The following GNAZ variants were observed in gnomAD, a reference collection of about 807,000 sequenced individuals.
GNAZ encodes guanine nucleotide-binding protein G(z) subunit alpha.
A neutral mutation model predicts 25.4 loss-of-function variants in GNAZ; 3 were observed. That is an observed-to-expected ratio of 0.12 (90% CI 0.05 to 0.30). The LOEUF is 0.30. Among genes scored for constraint, GNAZ ranks in the 10% least tolerant of loss-of-function variants. The probability of loss-of-function intolerance (pLI) is 1.00; values close to 1 mark genes in which losing one functional copy is unlikely to be tolerated. For synonymous variants in GNAZ, 211 were observed against 205.7 expected, an observed-to-expected ratio of 1.03 and a Z score of -0.22; for missense variants, 241 against 501.8, an observed-to-expected ratio of 0.48 and a Z score of 4.97.
intron 1 of GNAZ, among the ~76,000 whole-genome samples, chr22:23,093,036 C>T (rs1026337872): frequency 8.5e-5 from 13 of 152,196 alleles, no homozygotes; most frequent in African/African-American, 3.1e-4. Context: ...GCTGTCAGGT[C>T]GTCAGCAGGG....
intron 1 of GNAZ, among the ~76,000 whole-genome samples, chr22:23,075,175 C>G (rs2068478766): frequency 6.6e-6 from 1 of 152,120 alleles, no homozygotes; most frequent in Non-Finnish European, 1.5e-5. Flanking sequence ...GGCCCGCAAC[C>G]TGCCTGCTGC....
chr22:23,076,651 A>G (rs532391700), intron 1 of GNAZ, among the ~76,000 whole-genome samples: 8 of 152,234 alleles, frequency 5.3e-5, no homozygotes, highest in Non-Finnish European at 1.0e-4. Context: ...TCAGTGATGC[A>G]ATGTGACTCA....
At chr22:23,120,417 T>C (rs1226607332) in intron 2 of GNAZ, among the ~76,000 whole-genome samples, 1 of 152,170 alleles carries the variant, frequency 6.6e-6, no homozygotes, top group Non-Finnish European at 1.5e-5. Context: ...GAGCTCTCCC[T>C]ACACACAGGT....
intron 1 of GNAZ, among the ~76,000 whole-genome samples, chr22:23,092,870 A>G (rs1411858960): frequency 6.6e-6 from 1 of 152,248 alleles, no homozygotes; most frequent in Non-Finnish European, 1.5e-5. Flanking sequence ...ATTGAGAAGA[A>G]CAGTCATGAC....
intron 2 of GNAZ, among the ~76,000 whole-genome samples, chr22:23,103,784 C>T (rs1234809817): frequency 6.6e-5 from 10 of 152,220 alleles, no homozygotes; most frequent in Non-Finnish European, 1.5e-4. Flanking sequence ...GGGACAGAGG[C>T]AGTCCTATCC....
At chr22:23,119,880 C>T (rs1226286932) in intron 2 of GNAZ, among the ~76,000 whole-genome samples, 2 of 152,234 alleles carry the variant, frequency 1.3e-5, no homozygotes, top group Non-Finnish European at 2.9e-5. Flanking sequence ...TGAGGCCCAT[C>T]ATCTCCTCGG....
chr22:23,091,513 C>T (rs2068975760), intron 1 of GNAZ, among the ~76,000 whole-genome samples: 1 of 150,986 alleles, frequency 6.6e-6, no homozygotes, highest in Admixed American at 6.6e-5. Context: ...TGCATACATG[C>T]ACACACACCG....
Position 23,071,687 on chromosome 22 carries a change from A to T in GNAZ, c.-450+1117A>T, listed in dbSNP as rs1013793309. ...AGGGGAAAACGTCTCTACTCGACCA[A>T]CCCCGCTTGAGTGCAGGTGCAGGGG... On this transcript the variant is annotated intron_variant, in intron 1 of 2. Coordinates refer to ENST00000615612, the MANE Select transcript of GNAZ (RefSeq NM_002073.4). The surrounding 1 kb of genome is among the most constrained non-coding windows in gnomAD (Gnocchi z 4.1). Among the ~76,000 whole-genome samples, 3 of 152,004 alleles carry T rather than the reference A, an allele frequency of 2.0e-5. No homozygotes were observed. Among genetic ancestry groups the T allele is most frequent in the Non-Finnish European group, 2.9e-5 (2 of 67,996 alleles).
At chr22:23,112,352 G>A (rs953376398) in intron 2 of GNAZ, among the ~76,000 whole-genome samples, 3 of 152,186 alleles carry the variant, frequency 2.0e-5, no homozygotes, top group Admixed American at 6.5e-5. Context: ...TCACCAGGCC[G>A]TTTGCTCTTT....
intron 2 of GNAZ, among the ~76,000 whole-genome samples, chr22:23,116,754 A>G (rs539775423): frequency 6.6e-6 from 1 of 152,340 alleles, no homozygotes; most frequent in East Asian, 1.9e-4. Context: ...GGATGTCATT[A>G]GCTGGAAAGC....
intron 1 of GNAZ, among the ~76,000 whole-genome samples, chr22:23,088,012 G>A (rs537225543): frequency 2.6e-5 from 4 of 152,290 alleles, no homozygotes; most frequent in Admixed American, 1.3e-4. Context: ...GGCTGTTACC[G>A]TCTTTGTTTA....
rs372213550 is a variant in GNAZ, at chr22:23,123,296, G to A, written c.933G>A (p.Leu311=). Residue 311 remains leucine (L), a synonymous_variant, in exon 3 of 3, where the codon CTG becomes CTA. Transcript: ENST00000615612. ...ACATCCAGCGGCAGTTTGAAGACCT[G>A]AACCGCAACAAGGAGACCAAGGAGA... is the stretch of plus-strand genomic sequence containing the variant. ...AVYIQRQFED[L]NRNKETKEIY... 1.7e-5 allele frequency: 27 copies of A among 1,613,550 alleles called. No individual in the cohort carries two copies. The highest frequency in any genetic ancestry group is 2.3e-5 in the Non-Finnish European group (27 of 1,179,846).
chr22:23,079,027 C>G (rs1196228851), intron 1 of GNAZ, among the ~76,000 whole-genome samples: 3 of 152,202 alleles, frequency 2.0e-5, no homozygotes, highest in Non-Finnish European at 4.4e-5. Context: ...CTCACTCAGT[C>G]ACTACGAGGG....
intron 1 of GNAZ, among the ~76,000 whole-genome samples, chr22:23,073,680 T>C (rs1008681583): frequency 7.9e-5 from 12 of 152,166 alleles, no homozygotes; most frequent in African/African-American, 2.4e-4. Context: ...CTAGAGCACA[T>C]AGGAGGAGAC....
chr22:23,072,987 G>C (rs1227629347), intron 1 of GNAZ, among the ~76,000 whole-genome samples: 1 of 152,214 alleles, frequency 6.6e-6, no homozygotes, highest in Non-Finnish European at 1.5e-5. Context: ...GAGGCCAGTG[G>C]GACAGGAATG....
At chr22:23,120,493 C>T (rs1234626835) in intron 2 of GNAZ, among the ~76,000 whole-genome samples, 1 of 152,164 alleles carries the variant, frequency 6.6e-6, no homozygotes, top group Non-Finnish European at 1.5e-5. Context: ...TGAACTGTTT[C>T]CGCATCAGTG....
At position 23,095,561 on chromosome 22, in the gene GNAZ, G is replaced by C. The variant is rs548005504; in HGVS notation, c.-135G>C. On this transcript the variant is annotated 5_prime_UTR_variant, in exon 2 of 3. Transcript: ENST00000615612. ...TGGGGCAGGGGCTGCAGTGTGGCTC[G>C]GCCTCACCCCCCTGCTGGCACTGAG... 8.4e-6 allele frequency: 8 copies of C among 951,430 alleles called. No individual in the cohort carries two copies. The highest frequency in any genetic ancestry group is 5.8e-5 in the Admixed American group (2 of 34,644). The allele number at this position is 951,430 out of a possible 1,614,324, so 58.9% of individuals were successfully genotyped here. A position where few individuals can be genotyped will look rare whatever the true frequency, so the allele number is the denominator to read the frequency against.
intron 1 of GNAZ, among the ~76,000 whole-genome samples, chr22:23,079,400 C>G (rs2068608292): frequency 6.6e-6 from 1 of 152,052 alleles, no homozygotes; most frequent in African/African-American, 2.4e-5. Context: ...GTGCACAGGC[C>G]CTGAGTTAAG....
intron 2 of GNAZ, among the ~76,000 whole-genome samples, chr22:23,103,109 C>T (rs2069351848): frequency 6.6e-6 from 1 of 152,228 alleles, no homozygotes; most frequent in Non-Finnish European, 1.5e-5. Context: ...GCCTCCCTCT[C>T]TGCATGCCAG....
Sources: allele counts gnomAD v4.1 joint callset (sites outside exome capture counted in the v4.1 genomes callset), GRCh38; gene constraint gnomAD v4.1.1; non-coding constraint Gnocchi (gnomAD v3.1); transcripts MANE v1.5; gene names NCBI Gene and HGNC (gene_info 2026-07-23, HGNC 2026-07-21).